The following ERC1 variants were observed in gnomAD, a reference collection of about 807,000 sequenced individuals.
ERC1 encodes the protein RAB6 interacting protein 2.
Under a neutral mutation model 132.0 loss-of-function variants are expected in ERC1, and 56 were observed. The observed-to-expected ratio is 0.42, with a 90% CI of 0.34 to 0.53. The LOEUF is 0.53. Ranked by LOEUF, ERC1 falls within the 20% of genes least tolerant of loss-of-function variation. The pLI is 0.03. For missense variants in ERC1, 1,202 were observed against 1,349.9 expected (o/e 0.89, Z 1.72); for synonymous variants, 478 against 476.1 (o/e 1.00, Z -0.05).
At chr12:1,448,862 G>A (rs1565461983) in intron 18 of ERC1, among the ~76,000 whole-genome samples, 1 of 152,224 alleles carries the variant, frequency 6.6e-6, no homozygotes, top group Non-Finnish European at 1.5e-5. Context: ...ATCCACCGCT[G>A]GTTTGCACCT....
At chr12:1,416,821 C>T (rs2092141237) in intron 17 of ERC1, among the ~76,000 whole-genome samples, 1 of 152,134 alleles carries the variant, frequency 6.6e-6, no homozygotes, top group Non-Finnish European at 1.5e-5. Flanking sequence ...AACATAAAGC[C>T]CTTAAAACAG....
intron 18 of ERC1, among the ~76,000 whole-genome samples, chr12:1,459,626 G>A (rs1421466158): frequency 1.3e-5 from 2 of 152,248 alleles, no homozygotes; most frequent in African/African-American, 4.8e-5. Flanking sequence ...TATCATCAAT[G>A]AATGTGAAAA....
At chr12:1,389,894 T>G (rs545097485) in intron 16 of ERC1, among the ~76,000 whole-genome samples, 34 of 152,202 alleles carry the variant, frequency 2.2e-4, no homozygotes, top group African/African-American at 8.0e-4. Context: ...AGCAAAAATA[T>G]GTAGTGCCTT....
At chr12:1,112,996 C>G (rs1044960616) in intron 6 of ERC1, among the ~76,000 whole-genome samples, 4 of 152,144 alleles carry the variant, frequency 2.6e-5, no homozygotes, top group Admixed American at 6.5e-5. Flanking sequence ...GATGTTGTGT[C>G]TGTGCTGAAC....
At chr12:1,159,228 A>G (rs1035276774) in intron 8 of ERC1, among the ~76,000 whole-genome samples, 2 of 152,170 alleles carry the variant, frequency 1.3e-5, no homozygotes, top group Admixed American at 6.5e-5. Flanking sequence ...ATTTTGTGGA[A>G]TACAATTTTT....
intron 17 of ERC1, among the ~76,000 whole-genome samples, chr12:1,421,715 A>G (rs1284113323): frequency 6.6e-6 from 1 of 152,140 alleles, no homozygotes; most frequent in Non-Finnish European, 1.5e-5. Context: ...AAGCAATTTT[A>G]GAAAAGTAAG....
intron 15 of ERC1, among the ~76,000 whole-genome samples, chr12:1,309,044 G>A (rs369365646): frequency 4.4e-4 from 67 of 152,288 alleles, no homozygotes; most frequent in African/African-American, 1.4e-3. Flanking sequence ...ACCAGAAAGC[G>A]GACTGTCACC....
At chr12:1,440,206 T>C (rs866418388) in intron 17 of ERC1, among the ~76,000 whole-genome samples, 1 of 145,506 alleles carries the variant, frequency 6.9e-6, no homozygotes, top group African/African-American at 2.7e-5. Flanking sequence ...TCTCTTTTTT[T>C]TTTTTTTTTT....
Position 1,027,582 on chromosome 12 carries a change from TA to T in ERC1, c.-156-162del, listed in dbSNP as rs1967109959. 4 of 260,030 alleles carry T rather than the reference TA, an allele frequency of 1.5e-5. No individual in the cohort carries two copies. The East Asian group carries it at 2.3e-4, about 15-fold the overall frequency. The allele number at this position is 260,030 out of a possible 1,614,324, so 16.1% of individuals were successfully genotyped here. A position where few individuals can be genotyped will look rare whatever the true frequency, so the allele number is the denominator to read the frequency against. ...AGTTTTGAGACATCTAAAATATCTC[TA>T]AAATATTGTTTACTATGAGTACATT... On this transcript the variant is annotated intron_variant, in intron 1 of 18. Transcript: ENST00000360905.
intron 18 of ERC1, among the ~76,000 whole-genome samples, chr12:1,485,273 T>C (rs1304104772): frequency 4.7e-5 from 7 of 148,606 alleles, no homozygotes; most frequent in East Asian, 1.9e-4. Flanking sequence ...GGCGTGATCT[T>C]AGCCCACTGC....
chr12:995,095 C>CAAA (rs1413419953), intron 1 of ERC1, among the ~76,000 whole-genome samples: 1 of 121,702 alleles, frequency 8.2e-6, no homozygotes, highest in Admixed American at 8.1e-5. Flanking sequence ...GACTCTGTCT[C>CAAA]AAAAAAAAAA....
chr12:1,344,447 T>C (rs1210535761), intron 15 of ERC1, among the ~76,000 whole-genome samples: 1 of 152,232 alleles, frequency 6.6e-6, no homozygotes, highest in Admixed American at 6.5e-5. Context: ...AAGGAGAGAC[T>C]GGAACCACAT....
At chr12:1,266,319 C>G (rs181677935) in intron 14 of ERC1, among the ~76,000 whole-genome samples, 397 of 148,536 alleles carry the variant, frequency 2.7e-3, no homozygotes, top group African/African-American at 9.0e-3. Flanking sequence ...GTTTATACTT[C>G]TGAAGCCTTA....
intron 15 of ERC1, among the ~76,000 whole-genome samples, chr12:1,325,832 G>A (rs1175529465): frequency 6.6e-6 from 1 of 152,010 alleles, no homozygotes; most frequent in Non-Finnish European, 1.5e-5. Flanking sequence ...GCACCCGTTT[G>A]TCTATTCATT....
At chr12:1,379,024 T>C (rs2154377492) in intron 16 of ERC1, among the ~76,000 whole-genome samples, 1 of 152,346 alleles carries the variant, frequency 6.6e-6, no homozygotes, top group Middle Eastern at 3.4e-3. Context: ...TATTTTGGTC[T>C]AATTTTTCAC....
intron 18 of ERC1, among the ~76,000 whole-genome samples, chr12:1,459,381 T>A (rs1741498917): frequency 6.6e-6 from 1 of 152,128 alleles, no homozygotes. Flanking sequence ...GGGGGAGAAA[T>A]TTCTTTCAGA....
chr12:1,289,125 ACACACAT>A (rs2079246606), intron 14 of ERC1, among the ~76,000 whole-genome samples: 1 of 144,968 alleles, frequency 6.9e-6, no homozygotes, highest in Non-Finnish European at 1.5e-5. Flanking sequence ...ACACACACAC[ACACACAT>A]AACTATATAG....
At chr12:1,159,212 G>A (rs566907926) in intron 8 of ERC1, among the ~76,000 whole-genome samples, 1 of 152,186 alleles carries the variant, frequency 6.6e-6, no homozygotes, top group African/African-American at 2.4e-5. Flanking sequence ...TTGGCACCAG[G>A]GACCAATTTT....
At position 1,440,505 on chromosome 12, in the gene ERC1, C is replaced by CT. The variant is rs75192034; in HGVS notation, c.3025-4041dup. Among the ~76,000 whole-genome samples, 110 of 126,174 alleles carry CT rather than the reference C, an allele frequency of 8.7e-4. 1 individual carries two copies. The highest frequency in any genetic ancestry group is 5.3e-3 in the Middle Eastern group (1 of 190). 82.8% of individuals were successfully genotyped at this position (126,174 alleles called of 152,430 possible). The stretch of plus-strand genomic sequence containing the variant: ...ACAGGTGTGAGCCACCGCGCCCGGC[C>CT]TTTTTTTTTTTTTTTTAATAGAGAC... On this transcript the variant is annotated intron_variant, in intron 17 of 18. Coordinates refer to ENST00000360905, the MANE Select transcript of ERC1 (RefSeq NM_178040.4).
Sources: gnomAD v4.1 joint callset for allele counts (sites outside exome capture counted in the v4.1 genomes callset) on GRCh38, gnomAD v4.1.1 for gene constraint, MANE v1.5 for transcripts, NCBI Gene and HGNC (gene_info 2026-07-23, HGNC 2026-07-21) for gene names.